The following ZNF554 variants were observed in gnomAD, a reference collection of about 807,000 sequenced individuals.
ZNF554 encodes zinc finger protein 554.
In ZNF554, 15 loss-of-function variants were observed where a neutral mutation model predicts 21.2. The ratio of observed to expected loss-of-function variants is 0.71; its 90% CI spans 0.47 to 1.09. ZNF554 has a LOEUF of 1.09. ZNF554 is among the 50% of genes least tolerant of loss of function. The pLI, the probability that ZNF554 is intolerant of heterozygous loss-of-function variation, is 0.00. For missense variants in ZNF554, 691 were observed against 662.7 expected (o/e 1.04, Z -0.47); for synonymous variants, 258 against 251.4 (o/e 1.03, Z -0.25).
chr19:2,831,267 A>G (rs2087412648), intron 3 of ZNF554: 1 of 151,094 alleles, frequency 6.6e-6, no homozygotes. Flanking sequence ...GTGTTTATTG[A>G]CCATTTGTGT....
intron 1 of ZNF554, among the ~76,000 whole-genome samples, chr19:2,820,521 AC>A (rs758730877): frequency 3.9e-4 from 60 of 152,144 alleles, no homozygotes; most frequent in Non-Finnish European, 7.8e-4. Flanking sequence ...GGTTGTCATA[AC>A]TGGGGGCAGT....
At position 2,832,294 on chromosome 19, in the gene ZNF554, C is replaced by T; in HGVS notation, c.254-9C>T. 1 of 1,570,682 alleles carries T rather than the reference C, an allele frequency of 6.4e-7. No homozygotes were observed. The highest frequency in any genetic ancestry group is 8.6e-7 in the Non-Finnish European group (1 of 1,164,798). ...TGCTACCTCTCAAGTATACTCTTGTCTTTTTCAGAAGCCTTGAAGAACCAA... is the reference window on the plus strand; with the variant it reads ...TGCTACCTCTCAAGTATACTCTTGTTTTTTTCAGAAGCCTTGAAGAACCAA... On this transcript the variant is annotated splice_polypyrimidine_tract_variant and intron_variant, in intron 3 of 4. Transcript: ENST00000317243.
rs1376477807 is a variant in ZNF554, at chr19:2,834,087, G to A, written c.852G>A (p.Gln284=). 1.2e-6 allele frequency: 2 copies of A among 1,613,982 alleles called. No homozygotes were observed. Residue 284 remains glutamine, a synonymous_variant, in exon 5 of 5, where the codon CAG becomes CAA. Coordinates refer to ENST00000317243, the MANE Select transcript of ZNF554 (RefSeq NM_001102651.2). ...ESNECGNAIR[Q]NSHFIQHGGK... is the part of the protein sequence containing the mutation. Reference sequence around the variant, plus strand: ...ATGAATGTGGAAATGCCATCCGCCAGAACAGTCACTTTATTCAACACGGGG... The same window carrying A: ...ATGAATGTGGAAATGCCATCCGCCAAAACAGTCACTTTATTCAACACGGGG...
intron 2 of ZNF554, chr19:2,826,204 A>ATTTTTTT (rs2087330197): frequency 2.9e-5 from 1 of 33,912 alleles, no homozygotes; most frequent in East Asian, 3.4e-3. Context: ...CCAGCCAGTA[A>ATTTTTTT]CTTTTTTTTT....
At chr19:2,820,261 G>A (rs2087244803) in intron 1 of ZNF554, 137 bp downstream of exon 1, 5 of 850,640 alleles carry the variant, frequency 5.9e-6, no homozygotes, top group Non-Finnish European at 1.5e-6. Context: ...TCGGGAGCCG[G>A]CAGCTCGCCC....
Position 2,834,065 on chromosome 19 carries a change from A to AATGTG in ZNF554, c.831_835dup (p.Gly279AspfsTer29). On this transcript the variant is annotated frameshift_variant, in exon 5 of 5. Coordinates refer to ENST00000317243, the MANE Select transcript of ZNF554 (RefSeq NM_001102651.2). LOFTEE classifies it low-confidence loss of function (END_TRUNC). Reference sequence around the variant, plus strand: ...GATCGGAGACCTTGTGAAAGTAATGAATGTGGAAATGCCATCCGCCAGAAC... The same window carrying AATGTG: ...GATCGGAGACCTTGTGAAAGTAATGAATGTGATGTGGAAATGCCATCCGCCAGAAC... 1 of 1,614,130 alleles carries AATGTG rather than the reference A, an allele frequency of 6.2e-7. No homozygotes were observed. The highest frequency in any genetic ancestry group is 1.1e-5 in the South Asian group (1 of 91,088).
At chr19:2,820,897 C>G (rs1384944389) in intron 1 of ZNF554, among the ~76,000 whole-genome samples, 1 of 151,218 alleles carries the variant, frequency 6.6e-6, no homozygotes, top group Non-Finnish European at 1.5e-5. Flanking sequence ...ACTCCCACCT[C>G]AGGTGATCCA....
chr19:2,822,301 T>G (rs1309484470), intron 1 of ZNF554, among the ~76,000 whole-genome samples: 1 of 152,146 alleles, frequency 6.6e-6, no homozygotes, highest in African/African-American at 2.4e-5. Flanking sequence ...TCCTCGCGCC[T>G]CAGCCTCCCA....
At chr19:2,829,621 G>A (rs892431811) in intron 3 of ZNF554, among the ~76,000 whole-genome samples, 10 of 152,072 alleles carry the variant, frequency 6.6e-5, no homozygotes, top group African/African-American at 2.4e-4. Context: ...TGGGCAACAA[G>A]AGCAAAACTC....
chr19:2,832,560 G>C, intron 4 of ZNF554, 66 bp downstream of exon 4: 1 of 1,488,380 alleles, frequency 6.7e-7, no homozygotes, highest in Admixed American at 2.2e-5. Flanking sequence ...TGGTCAGAGA[G>C]CTCTTCACAA....
rs1183290776 is a variant in ZNF554, at chr19:2,820,025, G to T, written c.-47G>T. The T allele has an allele frequency of 1.7e-6, 2 of 1,194,902 alleles. No individual in the cohort carries two copies. Among genetic ancestry groups the T allele is most frequent in the African/African-American group, 1.6e-5 (1 of 63,002 alleles). The allele number at this position is 1,194,902 out of a possible 1,614,324, so 74.0% of individuals were successfully genotyped here. ...GGGGAGGCCGGCCGGCCTGCACGGGGCGCTCCCGCCTCGGGGGCCCTGTCT... is the reference window on the plus strand; with the variant it reads ...GGGGAGGCCGGCCGGCCTGCACGGGTCGCTCCCGCCTCGGGGGCCCTGTCT... On this transcript the variant is annotated 5_prime_UTR_variant, in exon 1 of 5. Transcript: ENST00000317243.
rs1321714014 is a variant in ZNF554, at chr19:2,834,216, C to G, written c.981C>G (p.His327Gln). The G allele has an allele frequency of 1.9e-6, 3 of 1,613,878 alleles. No homozygotes were observed. Among genetic ancestry groups the G allele is most frequent in the South Asian group, 1.1e-5 (1 of 91,094 alleles). ...INTAEKPFEC[H>Q]QCGKVFNRRH... ...CGGCAGAGAAACCCTTTGAGTGCCA[C>G]CAGTGTGGGAAGGTGTTCAACCGGA... Residue 327 changes from histidine to glutamine, a missense_variant, in exon 5 of 5, where the codon CAC becomes CAG. Transcript: ENST00000317243.
chr19:2,823,311 C>A (rs1485097918), intron 2 of ZNF554, among the ~76,000 whole-genome samples, 199 bp downstream of exon 2: 1 of 152,094 alleles, frequency 6.6e-6, no homozygotes, highest in Non-Finnish European at 1.5e-5. Context: ...TGAGCACAGC[C>A]TCTCCCTAGG....
chr19:2,823,626 C>T (rs548914370), intron 2 of ZNF554, among the ~76,000 whole-genome samples: 5 of 152,166 alleles, frequency 3.3e-5, no homozygotes, highest in Non-Finnish European at 5.9e-5. Flanking sequence ...TCAGCAGGGA[C>T]GGTAGCTCCT....
Position 2,834,538 on chromosome 19 carries a change from C to A in ZNF554, c.1303C>A (p.Pro435Thr). 1.9e-6 allele frequency: 3 copies of A among 1,614,094 alleles called. No homozygotes were observed. The highest frequency in any genetic ancestry group is 1.7e-6 in the Non-Finnish European group (2 of 1,180,026). ...CAAGAGGACACACACCGGAGAGAAG[C>A]CCTACGAATGCAGTGAATGTGGAAA... ...LHKRTHTGEK[P>T]YECSECGKAF... The change falls in exon 5 of 5, where the codon CCC (proline) becomes ACC (threonine). Residue 435 changes from proline (P) to threonine (T), a missense_variant. Pro to Thr is a conservative substitution (Grantham distance 38, BLOSUM62 -1). Coordinates refer to ENST00000317243, the MANE Select transcript of ZNF554 (RefSeq NM_001102651.2).
At position 2,835,932 on chromosome 19, in the gene ZNF554, A is replaced by T. The variant is rs1459584576; in HGVS notation, c.*1080A>T. ...CAGCCTTCATCTCCTGGACTCAAGC[A>T]ATCCTCCCACCTCAGCCTCTCCGGT... On this transcript the variant is annotated 3_prime_UTR_variant, in exon 5 of 5. Coordinates refer to ENST00000317243, the MANE Select transcript of ZNF554 (RefSeq NM_001102651.2). Among the ~76,000 whole-genome samples, 1 of 152,078 alleles carries T rather than the reference A, an allele frequency of 6.6e-6. No homozygotes were observed. Among genetic ancestry groups the T allele is most frequent in the African/African-American group, 2.4e-5 (1 of 41,426 alleles).
Position 2,836,235 on chromosome 19 carries a change from CGTGCTGGGATTACGGGCGTGAGCCACT to C in ZNF554, c.*1402_*1428del, listed in dbSNP as rs2087495376. Among the ~76,000 whole-genome samples, 4 of 149,526 alleles carry C rather than the reference CGTGCTGGGATTACGGGCGTGAGCCACT, an allele frequency of 2.7e-5. No individual in the cohort carries two copies. Among genetic ancestry groups the C allele is most frequent in the Non-Finnish European group, 4.4e-5 (3 of 67,452 alleles). ...TGCTGGTATTACGGGTGTGAGCCAC[CGTGCTGGGATTACGGGCGTGAGCCACT>C]GTGCTGGGATTACGGGCGCGAGCCA... On this transcript the variant is annotated 3_prime_UTR_variant, in exon 5 of 5. Transcript: ENST00000317243.
Position 2,834,003 on chromosome 19 carries a change from C to T in ZNF554, c.768C>T (p.Ser256=), listed in dbSNP as rs376474890. ...AGTTAGATATTACAAGCTTGGCATCCGATTCAGTCTTAAACCACCATCAGC... is the reference window on the plus strand; with the variant it reads ...AGTTAGATATTACAAGCTTGGCATCTGATTCAGTCTTAAACCACCATCAGC... ...GSELDITSLA[S]DSVLNHHQLG... The change falls in exon 5 of 5, where the codon TCC becomes TCT. Residue 256 remains serine (S), a synonymous_variant. Transcript: ENST00000317243. 5.9e-5 allele frequency: 96 copies of T among 1,613,996 alleles called. No individual in the cohort carries two copies. Among genetic ancestry groups the T allele is most frequent in the African/African-American group, 3.1e-4 (23 of 74,926 alleles).
chr19:2,823,710 T>C (rs2087292982), intron 2 of ZNF554, among the ~76,000 whole-genome samples: 1 of 152,042 alleles, frequency 6.6e-6, no homozygotes. Flanking sequence ...GTGGAGAGGG[T>C]ACTCCTCTCT....
Sources: allele counts gnomAD v4.1 joint callset (sites outside exome capture counted in the v4.1 genomes callset), GRCh38; gene constraint gnomAD v4.1.1; transcripts MANE v1.5; gene names NCBI Gene and HGNC (gene_info 2026-07-23, HGNC 2026-07-21).